The following SEMA5A variants were observed in gnomAD, a reference collection of about 807,000 sequenced individuals.
SEMA5A encodes semaphorin 5A.
A neutral mutation model predicts 135.5 loss-of-function variants in SEMA5A; 55 were observed. The observed-to-expected ratio is 0.41, with a 90% confidence interval of 0.33 to 0.51. SEMA5A has a LOEUF of 0.51. Among genes scored for constraint, SEMA5A ranks in the 20% least tolerant of loss-of-function variants. SEMA5A has a pLI of 0.37. For missense variants in SEMA5A, 1,290 were observed against 1,419.9 expected, an observed-to-expected ratio of 0.91 and a Z score of 1.47; for synonymous variants, 580 against 546.5, an observed-to-expected ratio of 1.06 and a Z score of -0.85.
rs377169786 is a variant in SEMA5A, at chr5:9,289,200, T to C, written c.270+29172A>G. ...TGCATGTATATAAGTATATTTTAAA[T>C]ACAGTATACACATCTGAAAATAATG... On this transcript the variant is annotated intron_variant, in intron 5 of 22. Coordinates refer to ENST00000382496, the MANE Select transcript of SEMA5A (RefSeq NM_003966.3). 9.8e-5 allele frequency among the ~76,000 whole-genome samples: 15 copies of C among 152,322 alleles called. No homozygotes were observed. The East Asian group carries it at 2.9e-3, about 29-fold the overall frequency.
intron 1 of SEMA5A, among the ~76,000 whole-genome samples, chr5:9,489,895 A>C (rs980026587): frequency 1.3e-5 from 2 of 152,164 alleles, no homozygotes; most frequent in African/African-American, 4.8e-5. Context: ...TTTCTTTGCT[A>C]CTAAATGATC....
intron 1 of SEMA5A, among the ~76,000 whole-genome samples, chr5:9,492,225 A>G (rs1735053459): frequency 6.6e-6 from 1 of 152,236 alleles, no homozygotes; most frequent in Admixed American, 6.5e-5. Context: ...GTTCCATAAA[A>G]TACTATAATC....
At chr5:9,057,296 C>A (rs184913183) in intron 18 of SEMA5A, among the ~76,000 whole-genome samples, 4 of 152,194 alleles carry the variant, frequency 2.6e-5, no homozygotes, top group African/African-American at 4.8e-5. Context: ...CTTACCACAG[C>A]GAAAACAAAA....
intron 2 of SEMA5A, among the ~76,000 whole-genome samples, chr5:9,416,316 G>T (rs984688896): frequency 1.3e-5 from 2 of 152,162 alleles, no homozygotes; most frequent in African/African-American, 4.8e-5. Context: ...GAGGGTCACT[G>T]GGGGAGTGGA....
At chr5:9,068,322 C>G (rs964536603) in intron 16 of SEMA5A, among the ~76,000 whole-genome samples, 1 of 152,138 alleles carries the variant, frequency 6.6e-6, no homozygotes, top group East Asian at 1.9e-4. Flanking sequence ...ATTTAAGAAT[C>G]TTTGTCAGAA....
At chr5:9,101,638 T>C (rs1739637793) in intron 16 of SEMA5A, among the ~76,000 whole-genome samples, 2 of 152,216 alleles carry the variant, frequency 1.3e-5, no homozygotes, top group Admixed American at 6.5e-5. Context: ...GGTATTTTCA[T>C]GAGCAATGGA....
chr5:9,183,363 C>T (rs1237210289), intron 11 of SEMA5A, among the ~76,000 whole-genome samples: 1 of 152,176 alleles, frequency 6.6e-6, no homozygotes, highest in East Asian at 1.9e-4. Flanking sequence ...AGTTCATCCT[C>T]CTGCACTTCT....
intron 11 of SEMA5A, among the ~76,000 whole-genome samples, chr5:9,155,202 C>T (rs1742886378): frequency 6.6e-6 from 1 of 152,176 alleles, no homozygotes; most frequent in African/African-American, 2.4e-5. Context: ...ATCTCCCTCT[C>T]TCCTCTGTCT....
intron 2 of SEMA5A, among the ~76,000 whole-genome samples, chr5:9,394,658 C>G (rs1463337501): frequency 6.6e-6 from 1 of 152,074 alleles, no homozygotes. Context: ...GTGTGGGAAT[C>G]ATGTCAACGA....
At chr5:9,328,263 C>A (rs1752965258) in intron 4 of SEMA5A, among the ~76,000 whole-genome samples, 1 of 152,204 alleles carries the variant, frequency 6.6e-6, no homozygotes, top group South Asian at 2.1e-4. Context: ...TCTAAGCACC[C>A]TCTACTCTCA....
chr5:9,130,866 G>T (rs1741371590), intron 13 of SEMA5A, among the ~76,000 whole-genome samples: 1 of 152,090 alleles, frequency 6.6e-6, no homozygotes, highest in Non-Finnish European at 1.5e-5. Flanking sequence ...CAAAAATGTT[G>T]AATTTAAATC....
chr5:9,077,408 A>T (rs1013298365), intron 16 of SEMA5A, among the ~76,000 whole-genome samples: 2 of 152,206 alleles, frequency 1.3e-5, no homozygotes, highest in African/African-American at 4.8e-5. Context: ...GTTTCTTTCC[A>T]CTACTCTTAC....
intron 1 of SEMA5A, among the ~76,000 whole-genome samples, chr5:9,532,838 A>G (rs1561328357): frequency 6.6e-6 from 1 of 152,092 alleles, no homozygotes; most frequent in Admixed American, 6.5e-5. Context: ...GAGTGAGGGG[A>G]AAAATCTCAG....
intron 5 of SEMA5A, among the ~76,000 whole-genome samples, chr5:9,301,982 G>T (rs925632289): frequency 6.6e-6 from 1 of 152,060 alleles, no homozygotes; most frequent in African/African-American, 2.4e-5. Context: ...ATCGCCCCTT[G>T]CAGCTCTGAG....
At chr5:9,275,104 AAGAG>A (rs1330732553) in intron 5 of SEMA5A, among the ~76,000 whole-genome samples, 6 of 152,122 alleles carry the variant, frequency 3.9e-5, no homozygotes, top group Non-Finnish European at 8.8e-5. Flanking sequence ...TAAAGAAAAA[AAGAG>A]AGAAGAATCA....
At chr5:9,473,922 G>C (rs1235646044) in intron 1 of SEMA5A, among the ~76,000 whole-genome samples, 1 of 152,138 alleles carries the variant, frequency 6.6e-6, no homozygotes, top group African/African-American at 2.4e-5. Context: ...GTGATCAAAA[G>C]ACAGGGTGAC....
At chr5:9,201,920 G>C (rs761194123) in intron 9 of SEMA5A, 35 bp downstream of exon 9, 44 of 1,590,566 alleles carry the variant, frequency 2.8e-5, no homozygotes, top group Admixed American at 5.1e-5. Flanking sequence ...GAATGAGTAA[G>C]AGAGAGGGGA....
intron 21 of SEMA5A, among the ~76,000 whole-genome samples, chr5:9,048,948 T>A (rs1288739820): frequency 1.3e-5 from 2 of 152,174 alleles, no homozygotes; most frequent in Non-Finnish European, 1.5e-5. Context: ...ATTGCCCTTC[T>A]GAGGCACTGG....
chr5:9,540,849 G>GGTTTT (rs891513306), intron 1 of SEMA5A, among the ~76,000 whole-genome samples: 4 of 152,034 alleles, frequency 2.6e-5, no homozygotes, highest in Non-Finnish European at 4.4e-5. Flanking sequence ...TCACATCTCC[G>GGTTTT]GTTTTGTTTT....
Sources: allele counts gnomAD v4.1 joint callset (sites outside exome capture counted in the v4.1 genomes callset), GRCh38; gene constraint gnomAD v4.1.1; transcripts MANE v1.5; gene names NCBI Gene and HGNC (gene_info 2026-07-23, HGNC 2026-07-21).